BDH2: variants seen among roughly 807,000 people sequenced by gnomAD.
The protein encoded by BDH2 is 3-hydroxybutyrate dehydrogenase 2, also known as dehydrogenase/reductase SDR family member 6.
A neutral mutation model predicts 33.2 loss-of-function variants in BDH2; 24 were observed. The ratio of observed to expected loss-of-function variants is 0.72; its 90% CI spans 0.52 to 1.02. The LOEUF (loss-of-function observed/expected upper bound fraction) is 1.02, where lower values mean the gene tolerates loss of function less well. BDH2 is among the 50% of genes least tolerant of loss of function. BDH2 has a pLI of 0.00. For missense variants in BDH2, 249 were observed against 301.6 expected, an observed-to-expected ratio of 0.83 and a Z score of 1.29; for synonymous variants, 81 against 101.6, an observed-to-expected ratio of 0.80 and a Z score of 1.22.
intron 2 of BDH2, among the ~76,000 whole-genome samples, chr4:103,095,506 T>C (rs1748358920): frequency 1.3e-5 from 2 of 152,194 alleles, no homozygotes. Flanking sequence ...TCTGACTTAG[T>C]CCCTTTAAGT....
intron 3 of BDH2, among the ~76,000 whole-genome samples, chr4:103,093,550 G>A (rs867354617): frequency 2.0e-5 from 3 of 148,012 alleles, no homozygotes; most frequent in Admixed American, 6.8e-5. Flanking sequence ...TTTATAATGT[G>A]CATAATATAT....
At position 103,078,332 on chromosome 4, in the gene BDH2, C is replaced by G. The variant is rs1747337846; in HGVS notation, c.*1370G>C. Reference sequence around the variant, plus strand: ...TATATTTAAATTTACATTTATTTATCCAGAAACTATGTCCAAATTTTATGT... The same window carrying G: ...TATATTTAAATTTACATTTATTTATGCAGAAACTATGTCCAAATTTTATGT... On this transcript the variant is annotated 3_prime_UTR_variant, in exon 10 of 10. Coordinates refer to ENST00000296424, the MANE Select transcript of BDH2 (RefSeq NM_020139.4). Among the ~76,000 whole-genome samples the G allele has an allele frequency of 6.6e-6, 1 of 152,004 alleles. No individual in the cohort carries two copies. The highest frequency in any genetic ancestry group is 6.6e-5 in the Admixed American group (1 of 15,260).
chr4:103,098,337 C>T (rs116293763), intron 1 of BDH2, among the ~76,000 whole-genome samples: 31 of 152,310 alleles, frequency 2.0e-4, no homozygotes, highest in South Asian at 4.1e-4. Flanking sequence ...GAATTCAAAC[C>T]TAGGCCTTCT....
Position 103,079,504 on chromosome 4 carries a change from A to G in BDH2, c.*198T>C, listed in dbSNP as rs1202265090. 3 of 556,684 alleles carry G rather than the reference A, an allele frequency of 5.4e-6. No individual in the cohort carries two copies. The highest frequency in any genetic ancestry group is 9.5e-6 in the Non-Finnish European group (3 of 314,892). The allele number at this position is 556,684 out of a possible 1,614,324, so 34.5% of individuals were successfully genotyped here. On this transcript the variant is annotated 3_prime_UTR_variant, in exon 10 of 10. Coordinates refer to ENST00000296424, the MANE Select transcript of BDH2 (RefSeq NM_020139.4). ...GAGTTCAATATTTTTATTTCTTTAC[A>G]ATGATTTCAGAAGAGATTACAAAGA...
At chr4:103,098,393 T>C (rs1436289084) in intron 1 of BDH2, among the ~76,000 whole-genome samples, 1 of 152,196 alleles carries the variant, frequency 6.6e-6, no homozygotes, top group East Asian at 1.9e-4. Context: ...CTCATGGTAC[T>C]CAAAGCCCTG....
At chr4:103,099,695 C>T (rs1472607421) in intron 1 of BDH2, 88 bp downstream of exon 1, 1 of 152,166 alleles carries the variant, frequency 6.6e-6, no homozygotes, top group Non-Finnish European at 1.5e-5. Flanking sequence ...TTGAAACAGG[C>T]AACGTGCAGA....
At chr4:103,098,345 TC>T (rs1261760434) in intron 1 of BDH2, among the ~76,000 whole-genome samples, 9 of 152,200 alleles carry the variant, frequency 5.9e-5, no homozygotes, top group Admixed American at 5.9e-4. Flanking sequence ...ACCTAGGCCT[TC>T]TTGTTGCAGG....
intron 5 of BDH2, among the ~76,000 whole-genome samples, chr4:103,087,473 G>C (rs1278572071): frequency 3.9e-5 from 6 of 152,158 alleles, no homozygotes; most frequent in African/African-American, 1.4e-4. Context: ...GAGGAGGAGA[G>C]GGCTGAGGCA....
intron 9 of BDH2, among the ~76,000 whole-genome samples, chr4:103,081,669 C>G (rs1747532538): frequency 6.6e-6 from 1 of 152,194 alleles, no homozygotes; most frequent in South Asian, 2.1e-4. Flanking sequence ...ACTAAAACAC[C>G]ACATGCGAAT....
intron 5 of BDH2, among the ~76,000 whole-genome samples, chr4:103,089,303 A>G (rs563163185): frequency 5.5e-4 from 84 of 152,358 alleles, no homozygotes; most frequent in Non-Finnish European, 8.5e-4. Flanking sequence ...CTGAGAGGGT[A>G]CAAGTGCCAT....
Position 103,091,521 on chromosome 4 carries a change from G to A in BDH2, c.249-236C>T, listed in dbSNP as rs72943201. ...TTTTCCAAACAAAAGTATGGTCACC[G>A]AACATAAGAAGCTTTATATTAATTG... On this transcript the variant is annotated intron_variant, in intron 4 of 9. Transcript: ENST00000296424. 626 of 418,132 alleles carry A rather than the reference G, an allele frequency of 1.5e-3. 8 individuals carry two copies. The highest frequency in any genetic ancestry group is 0.012 in the African/African-American group (577 of 49,340). 25.9% of individuals were successfully genotyped at this position (418,132 alleles called of 1,614,324 possible).
Position 103,092,586 on chromosome 4 carries a change from A to G in BDH2, c.248+14T>C, listed in dbSNP as rs371220069. Reference sequence around the variant, plus strand: ...TTTCTGTAAGGAAAGTGAAACTAAAAAGTTATGAATTACCCAGCAACATTA... The same window carrying G: ...TTTCTGTAAGGAAAGTGAAACTAAAGAGTTATGAATTACCCAGCAACATTA... On this transcript the variant is annotated intron_variant, in intron 4 of 9. Transcript: ENST00000296424. 4.5e-6 allele frequency: 7 copies of G among 1,566,750 alleles called. No homozygotes were observed. The East Asian group carries it at 1.1e-4, about 25-fold the overall frequency.
intron 6 of BDH2, 96 bp from the exon 7 acceptor site, chr4:103,085,558 A>G (rs1440021890): frequency 7.0e-7 from 1 of 1,427,024 alleles, no homozygotes; most frequent in African/African-American, 1.4e-5. Context: ...AGCCATTTTC[A>G]TGCTTTCTCC....
At chr4:103,090,843 A>G (rs1425120583) in intron 5 of BDH2, among the ~76,000 whole-genome samples, 1 of 152,042 alleles carries the variant, frequency 6.6e-6, no homozygotes, top group African/African-American at 2.4e-5. Flanking sequence ...ACCACGCCAC[A>G]TATTCTATGT....
At position 103,092,711 on chromosome 4, in the gene BDH2, A is replaced by C. The variant is rs774359448; in HGVS notation, c.152-15T>G. 2.6e-6 allele frequency: 4 copies of C among 1,553,968 alleles called. No homozygotes were observed. In the Admixed American group the frequency reaches 6.7e-5, roughly 26 times the overall value. ...AGTTTGAATACCTGAAAAATAAAAC[A>C]AGAGGCACTATTCCTAAAAATGTTT... On this transcript the variant is annotated splice_polypyrimidine_tract_variant and intron_variant, in intron 3 of 9. Transcript: ENST00000296424.
chr4:103,091,328 A>T (rs753429424), intron 4 of BDH2, 43 bp from the exon 5 acceptor site: 3 of 1,331,748 alleles, frequency 2.3e-6, no homozygotes, highest in Admixed American at 3.4e-5. Context: ...TGCCATTAAA[A>T]TTTTTCTATT....
chr4:103,087,451 C>G (rs1024804829), intron 5 of BDH2, among the ~76,000 whole-genome samples: 1 of 152,138 alleles, frequency 6.6e-6, no homozygotes, highest in Admixed American at 6.5e-5. Flanking sequence ...GCAGAAATGT[C>G]TATGGGTAGC....
At chr4:103,088,783 G>A (rs1215422289) in intron 5 of BDH2, among the ~76,000 whole-genome samples, 1 of 152,162 alleles carries the variant, frequency 6.6e-6, no homozygotes, top group African/African-American at 2.4e-5. Context: ...GGTGGAACCT[G>A]GCCACTTGGG....
Position 103,096,216 on chromosome 4 carries a change from G to T in BDH2, c.39C>A (p.Ala13=). The change falls in exon 2 of 10, where the codon GCC becomes GCA. Residue 13 remains alanine, a synonymous_variant. Coordinates refer to ENST00000296424, the MANE Select transcript of BDH2 (RefSeq NM_020139.4). Reference sequence around the variant, plus strand: ...CTGCTTGGCCAATCCCCTGAGCAGCGGCCGTCAGGATGATGACTTTCCCAT... The same window carrying T: ...CTGCTTGGCCAATCCCCTGAGCAGCTGCCGTCAGGATGATGACTTTCCCAT... ...RLDGKVIILT[A]AAQGIGQAAA... is the part of the protein sequence containing the mutation. The T allele has an allele frequency of 6.2e-7, 1 of 1,613,768 alleles. No individual in the cohort carries two copies. Among genetic ancestry groups the T allele is most frequent in the African/African-American group, 1.3e-5 (1 of 75,046 alleles).
Sources: allele counts gnomAD v4.1 joint callset (sites outside exome capture counted in the v4.1 genomes callset), GRCh38; gene constraint gnomAD v4.1.1; transcripts MANE v1.5; gene names NCBI Gene and HGNC (gene_info 2026-07-23, HGNC 2026-07-21).